The following TSEN2 variants were observed in gnomAD, a reference collection of about 807,000 sequenced individuals.
TSEN2 encodes tRNA-splicing endonuclease subunit Sen2.
In TSEN2, 54 loss-of-function variants were observed where a neutral mutation model predicts 59.2. The ratio of observed to expected loss-of-function variants is 0.91; its 90% confidence interval spans 0.73 to 1.14. TSEN2 has a LOEUF of 1.14. TSEN2 is among the 50% of genes most tolerant of loss of function. TSEN2 has a pLI of 0.00. For missense variants in TSEN2, 636 were observed against 576.2 expected, an observed-to-expected ratio of 1.10 and a Z score of -1.06; for synonymous variants, 195 against 198.2, an observed-to-expected ratio of 0.98 and a Z score of 0.14.
At chr3:12,513,617 T>G (rs549357459) in intron 6 of TSEN2, among the ~76,000 whole-genome samples, 5 of 152,336 alleles carry the variant, frequency 3.3e-5, no homozygotes, top group African/African-American at 1.2e-4. Context: ...CTCAGGTCTG[T>G]CAGATCTCAA....
chr3:12,519,446 A>G (rs1226020593), intron 8 of TSEN2, among the ~76,000 whole-genome samples: 1 of 152,162 alleles, frequency 6.6e-6, no homozygotes, highest in Non-Finnish European at 1.5e-5. Context: ...TTGCTCTATG[A>G]TCTTAGAAAA....
In TSEN2 at chr3:12,532,902, C is replaced by G. The variant is rs2057552692; in HGVS notation, c.*181C>G. ...ACAAGGGAGGAGAAAGATCCCTGTGCTAGGACTGCAGATTCTATACTTGCG... is the reference window on the plus strand; with the variant it reads ...ACAAGGGAGGAGAAAGATCCCTGTGGTAGGACTGCAGATTCTATACTTGCG... On this transcript the variant is annotated 3_prime_UTR_variant, in exon 12 of 12. Transcript: ENST00000284995. 3.0e-6 allele frequency: 2 copies of G among 659,722 alleles called. No homozygotes were observed. Among genetic ancestry groups the G allele is most frequent in the Non-Finnish European group, 5.3e-6 (2 of 378,610 alleles). The allele number at this position is 659,722 out of a possible 1,614,324, so 40.9% of individuals were successfully genotyped here.
At chr3:12,522,826 G>A (rs971060380) in intron 8 of TSEN2, among the ~76,000 whole-genome samples, 2 of 152,172 alleles carry the variant, frequency 1.3e-5, no homozygotes, top group Non-Finnish European at 2.9e-5. Context: ...TGCCAACCTA[G>A]TTGACCTTAT....
chr3:12,517,183 T>C (rs1192541631), intron 7 of TSEN2, among the ~76,000 whole-genome samples: 2 of 151,770 alleles, frequency 1.3e-5, no homozygotes, highest in Non-Finnish European at 2.9e-5. Context: ...GGTGAAACCC[T>C]GTCTCTACTA....
intron 4 of TSEN2, among the ~76,000 whole-genome samples, chr3:12,501,465 T>G (rs1303302967): frequency 6.6e-6 from 1 of 152,192 alleles, no homozygotes; most frequent in Non-Finnish European, 1.5e-5. Context: ...ATGTTCATCC[T>G]CATGTGGGGT....
chr3:12,531,448 G>C, intron 10 of TSEN2, 122 bp from the exon 11 acceptor site: 2 of 677,836 alleles, frequency 3.0e-6, no homozygotes, highest in South Asian at 1.7e-5. Context: ...GATGTGCTCT[G>C]TGAGTTTCCA....
chr3:12,491,471 G>A (rs1031546087), intron 2 of TSEN2, among the ~76,000 whole-genome samples: 3 of 152,012 alleles, frequency 2.0e-5, no homozygotes, highest in Admixed American at 2.0e-4. Context: ...GGTTTTTTTG[G>A]ACCTAGTGGG....
chr3:12,508,931 G>C (rs530203893), intron 6 of TSEN2, among the ~76,000 whole-genome samples: 1 of 152,146 alleles, frequency 6.6e-6, no homozygotes, highest in Admixed American at 6.5e-5. Flanking sequence ...CACCATCATA[G>C]CTCACTGAAG....
At chr3:12,505,366 T>C (rs1256255234) in intron 6 of TSEN2, 135 bp downstream of exon 6, 3 of 696,458 alleles carry the variant, frequency 4.3e-6, no homozygotes, top group Non-Finnish European at 7.9e-6. Flanking sequence ...GAAATCACTA[T>C]GGGTAGCTCC....
At chr3:12,491,745 A>G (rs1289401555) in intron 2 of TSEN2, among the ~76,000 whole-genome samples, 3 of 152,256 alleles carry the variant, frequency 2.0e-5, no homozygotes, top group Non-Finnish European at 4.4e-5. Flanking sequence ...TCAGATGGGT[A>G]CAGTCGGCCC....
chr3:12,515,249 C>T (rs1017452632), intron 6 of TSEN2, among the ~76,000 whole-genome samples: 1 of 152,070 alleles, frequency 6.6e-6, no homozygotes, highest in Admixed American at 6.5e-5. Flanking sequence ...CTGTGTATGC[C>T]GGGTTAGTGG....
chr3:12,496,366 A>T (rs2053748863), intron 3 of TSEN2, 152 bp from the exon 4 acceptor site: 14 of 787,238 alleles, frequency 1.8e-5, no homozygotes, highest in South Asian at 1.2e-4. Context: ...AGGACGGCAT[A>T]GAAAGCATAT....
chr3:12,506,744 G>A, intron 6 of TSEN2: 2 of 985,276 alleles, frequency 2.0e-6, no homozygotes. Flanking sequence ...TTGAAGCTAG[G>A]ACCGCTTCTT....
intron 3 of TSEN2, among the ~76,000 whole-genome samples, chr3:12,494,746 C>G (rs2053572268): frequency 6.6e-6 from 1 of 151,712 alleles, no homozygotes; most frequent in Non-Finnish European, 1.5e-5. Flanking sequence ...TTAAAAATTC[C>G]AGTAGGAAGG....
intron 2 of TSEN2, among the ~76,000 whole-genome samples, chr3:12,491,649 G>A (rs17036821): frequency 2.0e-5 from 3 of 152,134 alleles, no homozygotes; most frequent in African/African-American, 7.2e-5. Flanking sequence ...TTAGAAAGGT[G>A]TTACGCTAAG....
At position 12,530,158 on chromosome 3, in the gene TSEN2, T is replaced by G; in HGVS notation, c.1248+285T>G. 5 of 1,280,416 alleles carry G rather than the reference T, an allele frequency of 3.9e-6. No homozygotes were observed. The Middle Eastern group carries it at 9.2e-4, about 237-fold the overall frequency. 79.3% of individuals were successfully genotyped at this position (1,280,416 alleles called of 1,614,324 possible). A position where few individuals can be genotyped will look rare whatever the true frequency, so the allele number is the denominator to read the frequency against. On this transcript the variant is annotated intron_variant, in intron 10 of 11. Coordinates refer to ENST00000284995, the MANE Select transcript of TSEN2 (RefSeq NM_025265.4). ...GTGATCTGATCTGGGTAGGCATTGC[T>G]TCTCTTCCCAGGGGTATCGTTGCTA...
intron 6 of TSEN2, among the ~76,000 whole-genome samples, chr3:12,514,184 A>C (rs991805256): frequency 6.6e-6 from 1 of 152,180 alleles, no homozygotes; most frequent in Non-Finnish European, 1.5e-5. Flanking sequence ...GACCTCTCCA[A>C]GAAGTGACCT....
intron 1 of TSEN2, 130 bp from the exon 2 acceptor site, chr3:12,489,654 C>A: frequency 1.3e-6 from 1 of 746,766 alleles, no homozygotes; most frequent in Non-Finnish European, 2.2e-6. Context: ...TAGTTTATTG[C>A]TTTATAAATA....
At chr3:12,519,258 T>C (rs1335919627) in intron 8 of TSEN2, 61 bp downstream of exon 8, 1 of 1,599,052 alleles carries the variant, frequency 6.3e-7, no homozygotes, top group African/African-American at 1.3e-5. Context: ...CACCCTAGAA[T>C]ATCAAATTGA....
Sources: allele counts gnomAD v4.1 joint callset (sites outside exome capture counted in the v4.1 genomes callset), GRCh38; gene constraint gnomAD v4.1.1; transcripts MANE v1.5; gene names NCBI Gene and HGNC (gene_info 2026-07-23, HGNC 2026-07-21).